PRDM10: variants seen among roughly 807,000 people sequenced by gnomAD.
The protein encoded by PRDM10 is PR/SET domain 10.
Under a neutral mutation model 133.1 loss-of-function variants are expected in PRDM10, and 65 were observed. The observed-to-expected ratio is 0.49, with a 90% CI of 0.40 to 0.60. The LOEUF is 0.60. PRDM10 is among the 20% of genes least tolerant of loss of function. PRDM10 has a pLI of 0.00. For missense variants in PRDM10, 1,137 were observed against 1,507.1 expected, an observed-to-expected ratio of 0.75 and a Z score of 4.07; for synonymous variants, 582 against 580.4, an observed-to-expected ratio of 1.00 and a Z score of -0.04.
intron 7 of PRDM10, among the ~76,000 whole-genome samples, chr11:129,942,018 C>G (rs543087378): frequency 6.6e-6 from 1 of 152,158 alleles, no homozygotes; most frequent in African/African-American, 2.4e-5. Context: ...GCCTCAGCTT[C>G]ACAAGTAGCT....
At position 129,947,641 on chromosome 11, in the gene PRDM10, C is replaced by T; in HGVS notation, c.295-271G>A. The T allele has an allele frequency of 2.6e-6, 3 of 1,134,528 alleles. No individual in the cohort carries two copies. Among genetic ancestry groups the T allele is most frequent in the South Asian group, 3.4e-5 (2 of 58,060 alleles). 70.3% of individuals were successfully genotyped at this position (1,134,528 alleles called of 1,614,324 possible). A position where few individuals can be genotyped will look rare whatever the true frequency, so the allele number is the denominator to read the frequency against. ...GAGGGCTGCTAAGAAGGCTCAGGTGCTCCCTCCTTTGGCAGCAGTGGGAGA... is the reference window on the plus strand; with the variant it reads ...GAGGGCTGCTAAGAAGGCTCAGGTGTTCCCTCCTTTGGCAGCAGTGGGAGA... On this transcript the variant is annotated intron_variant, in intron 4 of 20. Coordinates refer to ENST00000360871, the MANE Select transcript of PRDM10 (RefSeq NM_199437.2). This position sits in a 1 kb window ranked among gnomAD's most constrained non-coding sequence, Gnocchi z 4.6.
At position 129,902,460 on chromosome 11, in the gene PRDM10, G is replaced by A; in HGVS notation, c.3324C>T (p.Ala1108=). Residue 1108 remains alanine (A), a synonymous_variant, in exon 21 of 21, where the codon GCC becomes GCT. Coordinates refer to ENST00000360871, the MANE Select transcript of PRDM10 (RefSeq NM_199437.2). ...GCTCGACCTGGACTCCACCAGAGAG[G>A]GCAGAAGTTTGCTTTTCTTCCAATT... ...QSELEEKQTS[A]LSGGVQVEPP... is the part of the protein sequence containing the mutation. 2 of 1,614,148 alleles carry A rather than the reference G, an allele frequency of 1.2e-6. No homozygotes were observed. The highest frequency in any genetic ancestry group is 1.7e-6 in the Non-Finnish European group (2 of 1,180,024).
rs1259593862 is a variant in PRDM10 at position 129,923,840 on chromosome 11, A to G, written c.1879-437T>C. On this transcript the variant is annotated intron_variant, in intron 12 of 20. Coordinates refer to ENST00000360871, the MANE Select transcript of PRDM10 (RefSeq NM_199437.2). This position sits in a 1 kb window ranked among gnomAD's most constrained non-coding sequence, Gnocchi z 4.4. ...TCTTCCTTACTTTTCTCCGTCTTTA[A>G]TCTGCACAGAAGCAATTTAGCCCCT... is the stretch of plus-strand genomic sequence containing the variant. 2.0e-5 allele frequency among the ~76,000 whole-genome samples: 3 copies of G among 152,256 alleles called. No individual in the cohort carries two copies. Among genetic ancestry groups the G allele is most frequent in the Non-Finnish European group, 2.9e-5 (2 of 68,050 alleles).
chr11:129,919,573 G>GTGAC (rs1312128261), intron 13 of PRDM10, among the ~76,000 whole-genome samples: 2 of 152,168 alleles, frequency 1.3e-5, no homozygotes, highest in Non-Finnish European at 2.9e-5. Flanking sequence ...TCACTATTTA[G>GTGAC]TGACACATGC....
At position 129,923,504 on chromosome 11, in the gene PRDM10, G is replaced by A. The variant is rs1434630084; in HGVS notation, c.1879-101C>T. 6.1e-6 allele frequency: 8 copies of A among 1,309,400 alleles called. No individual in the cohort carries two copies. The highest frequency in any genetic ancestry group is 8.2e-6 in the Non-Finnish European group (8 of 979,874). 81.1% of individuals were successfully genotyped at this position (1,309,400 alleles called of 1,614,324 possible). A position where few individuals can be genotyped will look rare whatever the true frequency, so the allele number is the denominator to read the frequency against. On this transcript the variant is annotated intron_variant, in intron 12 of 20. Transcript: ENST00000360871. The surrounding 1 kb of genome is among the most constrained non-coding windows in gnomAD (Gnocchi z 4.4). ...TAGAGGGAGCCAAACGCATTACCAT[G>A]GGTTTTCATCAACCCCGCCGAGGAA...
chr11:129,940,099 C>T (rs769219318), intron 7 of PRDM10, among the ~76,000 whole-genome samples: 1 of 152,258 alleles, frequency 6.6e-6, no homozygotes, highest in Non-Finnish European at 1.5e-5. Context: ...GTGGTTTATA[C>T]CTCAACCAAT....
At chr11:129,971,305 C>A (rs371621927) in intron 1 of PRDM10, among the ~76,000 whole-genome samples, 1 of 152,162 alleles carries the variant, frequency 6.6e-6, no homozygotes, top group East Asian at 1.9e-4. Context: ...CTTATCTGGC[C>A]CCACACGCAT....
rs1447788591 is a variant in PRDM10, at chr11:129,946,696, AG to A, written c.520+448del. ...GGGCCATGGAGGGCATAAAGGAGGTAGTAGACTCAGGGCACTCACGCCTGGG... is the reference window on the plus strand; with the variant it reads ...GGGCCATGGAGGGCATAAAGGAGGTATAGACTCAGGGCACTCACGCCTGGG... On this transcript the variant is annotated intron_variant, in intron 5 of 20. Coordinates refer to ENST00000360871, the MANE Select transcript of PRDM10 (RefSeq NM_199437.2). 1.8e-4 allele frequency among the ~76,000 whole-genome samples: 27 copies of A among 152,344 alleles called. No homozygotes were observed. The East Asian group carries it at 5.0e-3, about 28-fold the overall frequency.
chr11:129,925,856 A>T (rs1231850248), intron 11 of PRDM10, among the ~76,000 whole-genome samples: 1 of 152,238 alleles, frequency 6.6e-6, no homozygotes, highest in Non-Finnish European at 1.5e-5. Flanking sequence ...TGCTGGAATT[A>T]GAGAGTGGTG....
chr11:129,947,640 G>A lies in PRDM10; in HGVS notation c.295-270C>T. The A allele has an allele frequency of 1.8e-6, 2 of 1,141,608 alleles. No homozygotes were observed. Among genetic ancestry groups the A allele is most frequent in the South Asian group, 1.7e-5 (1 of 58,044 alleles). The allele number at this position is 1,141,608 out of a possible 1,614,324, so 70.7% of individuals were successfully genotyped here. A position where few individuals can be genotyped will look rare whatever the true frequency, so the allele number is the denominator to read the frequency against. ...GGAGGGCTGCTAAGAAGGCTCAGGTGCTCCCTCCTTTGGCAGCAGTGGGAG... is the reference window on the plus strand; with the variant it reads ...GGAGGGCTGCTAAGAAGGCTCAGGTACTCCCTCCTTTGGCAGCAGTGGGAG... On this transcript the variant is annotated intron_variant, in intron 4 of 20. Coordinates refer to ENST00000360871, the MANE Select transcript of PRDM10 (RefSeq NM_199437.2). The surrounding 1 kb of genome is among the most constrained non-coding windows in gnomAD (Gnocchi z 4.6).
chr11:129,995,771 C>T (rs1355569482), intron 1 of PRDM10, among the ~76,000 whole-genome samples: 2 of 152,040 alleles, frequency 1.3e-5, no homozygotes, highest in African/African-American at 2.4e-5. Context: ...CATGATGAAA[C>T]CCCGTCTCTA....
intron 20 of PRDM10, among the ~76,000 whole-genome samples, chr11:129,903,417 A>G (rs1949907734): frequency 6.6e-6 from 1 of 151,986 alleles, no homozygotes; most frequent in African/African-American, 2.4e-5. Context: ...TTTAACACTC[A>G]AGAGTACAGG....
At chr11:129,959,860 C>T (rs1951762125) in intron 2 of PRDM10, among the ~76,000 whole-genome samples, 1 of 151,918 alleles carries the variant, frequency 6.6e-6, no homozygotes, top group African/African-American at 2.4e-5. Context: ...TTCACTGCAG[C>T]CTCCACCTCC....
At chr11:129,970,545 CTTT>C (rs35299145) in intron 1 of PRDM10, among the ~76,000 whole-genome samples, 1 of 143,658 alleles carries the variant, frequency 7.0e-6, no homozygotes, top group African/African-American at 2.6e-5. Flanking sequence ...CATACCCAAC[CTTT>C]TTTTTTTTTT....
chr11:129,953,732 T>C (rs1951637558), intron 4 of PRDM10, among the ~76,000 whole-genome samples: 1 of 149,180 alleles, frequency 6.7e-6, no homozygotes, highest in Non-Finnish European at 1.5e-5. Flanking sequence ...TAACTTAAAA[T>C]ACAAATATCT....
intron 1 of PRDM10, among the ~76,000 whole-genome samples, chr11:129,981,965 T>A (rs1938136265): frequency 1.3e-5 from 2 of 151,254 alleles, no homozygotes; most frequent in African/African-American, 4.9e-5. Context: ...CATAAAAAAA[T>A]TATAAAATAT....
chr11:129,912,533 C>T (rs1269307404), intron 17 of PRDM10, among the ~76,000 whole-genome samples: 3 of 151,714 alleles, frequency 2.0e-5, no homozygotes, highest in Non-Finnish European at 2.9e-5. Flanking sequence ...GGGTGGATCA[C>T]GAGGTCAGGA....
At chr11:129,965,966 G>A (rs1235914753) in intron 1 of PRDM10, among the ~76,000 whole-genome samples, 1 of 152,052 alleles carries the variant, frequency 6.6e-6, no homozygotes, top group Admixed American at 6.6e-5. Context: ...ATTACCAGCC[G>A]GGCACAGTGG....
chr11:129,965,236 G>C (rs1410647922), intron 1 of PRDM10, among the ~76,000 whole-genome samples: 1 of 151,546 alleles, frequency 6.6e-6, no homozygotes, highest in Non-Finnish European at 1.5e-5. Context: ...GCAAGACCCT[G>C]TCTCAAAGAA....
Sources: allele counts gnomAD v4.1 joint callset (sites outside exome capture counted in the v4.1 genomes callset), GRCh38; gene constraint gnomAD v4.1.1; non-coding constraint Gnocchi (gnomAD v3.1); transcripts MANE v1.5; gene names NCBI Gene and HGNC (gene_info 2026-07-23, HGNC 2026-07-21).